The following PTGFR variants were observed in gnomAD, a reference collection of about 807,000 sequenced individuals.
PTGFR encodes the protein prostaglandin F2-alpha receptor.
PTGFR carries 15 observed loss-of-function variants against 26.2 expected under a neutral mutation model. The ratio of observed to expected loss-of-function variants is 0.57; its 90% CI spans 0.38 to 0.88. PTGFR has a LOEUF of 0.88. Ranked by LOEUF, PTGFR falls within the 40% of genes least tolerant of loss-of-function variation. PTGFR has a pLI of 0.00. For missense variants in PTGFR, 369 were observed against 427.2 expected, an observed-to-expected ratio of 0.86 and a Z score of 1.20; for synonymous variants, 165 against 151.1, an observed-to-expected ratio of 1.09 and a Z score of -0.68.
intron 2 of PTGFR, among the ~76,000 whole-genome samples, chr1:78,496,805 C>G (rs1434443767): frequency 6.6e-6 from 1 of 152,082 alleles, no homozygotes; most frequent in East Asian, 1.9e-4. Context: ...TGTTAATAGA[C>G]TCTATTTTAC....
intron 2 of PTGFR, among the ~76,000 whole-genome samples, chr1:78,527,400 A>G (rs1203632625): frequency 6.6e-6 from 1 of 152,088 alleles, no homozygotes; most frequent in Non-Finnish European, 1.5e-5. Flanking sequence ...CAATTTTTTC[A>G]TTATCAGTGT....
At chr1:78,534,678 G>T (rs1236127194) in intron 2 of PTGFR, among the ~76,000 whole-genome samples, 1 of 150,008 alleles carries the variant, frequency 6.7e-6, no homozygotes, top group Non-Finnish European at 1.5e-5. Flanking sequence ...TTTTTTCTAT[G>T]AACAAAATTA....
At chr1:78,517,476 A>T (rs1650117800) in intron 2 of PTGFR, among the ~76,000 whole-genome samples, 1 of 152,162 alleles carries the variant, frequency 6.6e-6, no homozygotes, top group South Asian at 2.1e-4. Context: ...TTTAGATTAG[A>T]TATTCAAGGA....
intron 1 of PTGFR, among the ~76,000 whole-genome samples, chr1:78,491,626 G>GT (rs1169042096): frequency 6.6e-6 from 1 of 152,246 alleles, no homozygotes; most frequent in Non-Finnish European, 1.5e-5. Flanking sequence ...GTTTCAGCGA[G>GT]TTCGTTAGTT....
At chr1:78,497,905 A>T (rs1557647682) in intron 2 of PTGFR, 1 of 1,594,404 alleles carries the variant, frequency 6.3e-7, no homozygotes, top group Non-Finnish European at 8.6e-7. Flanking sequence ...GGGAAAGAGA[A>T]ATATAAAGTA....
chr1:78,538,646 G>C lies in PTGFR; in HGVS notation c.*1959G>C, dbSNP rs1182907904. 6.6e-6 allele frequency: 1 copy of C among 151,890 alleles called. No individual in the cohort carries two copies. The highest frequency in any genetic ancestry group is 2.4e-5 in the African/African-American group (1 of 41,366). 9.4% of individuals were successfully genotyped at this position (151,890 alleles called of 1,614,324 possible). On this transcript the variant is annotated 3_prime_UTR_variant, in exon 3 of 3. Coordinates refer to ENST00000370757, the MANE Select transcript of PTGFR (RefSeq NM_000959.4). ...CATCTGACTTAAGAGTTTCATTTCT[G>C]TTATTATATGTGTTGCATGTAGCTT...
chr1:78,519,934 C>A (rs1188547864), intron 2 of PTGFR, among the ~76,000 whole-genome samples: 2 of 151,994 alleles, frequency 1.3e-5, no homozygotes, highest in African/African-American at 2.4e-5. Flanking sequence ...TTATAAATTC[C>A]TTTTTTCTTT....
intron 2 of PTGFR, among the ~76,000 whole-genome samples, chr1:78,510,027 A>C (rs1649927725): frequency 6.6e-6 from 1 of 152,218 alleles, no homozygotes; most frequent in Non-Finnish European, 1.5e-5. Flanking sequence ...CAACTCATCC[A>C]AAGATTACCT....
chr1:78,509,306 T>C (rs1426702130), intron 2 of PTGFR, among the ~76,000 whole-genome samples: 1 of 152,170 alleles, frequency 6.6e-6, no homozygotes, highest in Non-Finnish European at 1.5e-5. Context: ...CTATCCCTCA[T>C]CCAGACCAGT....
At chr1:78,516,488 T>TA (rs1385705154) in intron 2 of PTGFR, among the ~76,000 whole-genome samples, 2 of 152,198 alleles carry the variant, frequency 1.3e-5, no homozygotes, top group Admixed American at 6.5e-5. Context: ...ACTCTGTTGT[T>TA]ATGCTGACAG....
intron 2 of PTGFR, among the ~76,000 whole-genome samples, chr1:78,528,951 G>A (rs1012945611): frequency 1.3e-5 from 2 of 152,114 alleles, no homozygotes; most frequent in African/African-American, 4.8e-5. Flanking sequence ...TAGAGGCTGA[G>A]GCACAGCGAA....
At chr1:78,527,958 C>T (rs551043425) in intron 2 of PTGFR, among the ~76,000 whole-genome samples, 7 of 151,950 alleles carry the variant, frequency 4.6e-5, no homozygotes, top group Non-Finnish European at 8.8e-5. Flanking sequence ...CATAAGCTTC[C>T]GAAACAGTTG....
At chr1:78,504,812 T>G (rs1403474958) in intron 2 of PTGFR, among the ~76,000 whole-genome samples, 2 of 152,186 alleles carry the variant, frequency 1.3e-5, no homozygotes, top group African/African-American at 4.8e-5. Context: ...TGAATGCTCT[T>G]CCTGCAACCT....
intron 2 of PTGFR, among the ~76,000 whole-genome samples, chr1:78,528,294 CAAAAAAAAAA>C (rs35137595): frequency 9.9e-5 from 2 of 20,104 alleles, no homozygotes; most frequent in Admixed American, 1.6e-3. Flanking sequence ...AGAAAGTTAG[CAAAAAAAAAA>C]AAAAAAAAAA....
Position 78,493,510 on chromosome 1 carries a change from G to T in PTGFR, c.767G>T (p.Cys256Phe). Residue 256 changes from cysteine to phenylalanine, a missense_variant, in exon 2 of 3, where the codon TGT (cysteine) becomes TTT (phenylalanine). By Grantham distance (205) the Cys-to-Phe change is radical. Transcript: ENST00000370757. Reference protein sequence around the residue: ...EMVIQLLAIMCVSCICWSPFL... With the variant: ...EMVIQLLAIMFVSCICWSPFL... ...GTAATCCAGCTCCTGGCGATAATGTGTGTCTCCTGTATTTGTTGGAGCCCA... is the reference window on the plus strand; with the variant it reads ...GTAATCCAGCTCCTGGCGATAATGTTTGTCTCCTGTATTTGTTGGAGCCCA... 1 of 1,561,726 alleles carries T rather than the reference G, an allele frequency of 6.4e-7. No individual in the cohort carries two copies.
chr1:78,510,493 A>G (rs1466323704), intron 2 of PTGFR, among the ~76,000 whole-genome samples: 1 of 152,094 alleles, frequency 6.6e-6, no homozygotes, highest in Admixed American at 6.5e-5. Context: ...GTAAGATCTC[A>G]TTTGTTACCA....
At chr1:78,522,142 A>G (rs1161253104) in intron 2 of PTGFR, among the ~76,000 whole-genome samples, 1 of 152,030 alleles carries the variant, frequency 6.6e-6, no homozygotes, top group Non-Finnish European at 1.5e-5. Flanking sequence ...ACTGGCCCTC[A>G]GGTCGGGGCT....
At chr1:78,530,466 A>G (rs1435187072) in intron 2 of PTGFR, among the ~76,000 whole-genome samples, 1 of 152,208 alleles carries the variant, frequency 6.6e-6, no homozygotes, top group African/African-American at 2.4e-5. Flanking sequence ...AGACATAGGC[A>G]GATGGAACTA....
intron 2 of PTGFR, among the ~76,000 whole-genome samples, chr1:78,504,616 TA>T (rs941279996): frequency 1.3e-5 from 2 of 152,188 alleles, no homozygotes; most frequent in African/African-American, 4.8e-5. Flanking sequence ...GTTTCATGTT[TA>T]AAAAATGCTT....
Sources: allele counts gnomAD v4.1 joint callset (sites outside exome capture counted in the v4.1 genomes callset), GRCh38; gene constraint gnomAD v4.1.1; transcripts MANE v1.5; gene names NCBI Gene and HGNC (gene_info 2026-07-23, HGNC 2026-07-21).